GLI2: variants seen among roughly 807,000 people sequenced by gnomAD.
The protein encoded by GLI2 is transcription activator GLI2.
A neutral mutation model predicts 78.9 loss-of-function variants in GLI2; 22 were observed. The ratio of observed to expected loss-of-function variants is 0.28; its 90% CI spans 0.20 to 0.40. The LOEUF (loss-of-function observed/expected upper bound fraction) is 0.40, where lower values mean the gene tolerates loss of function less well. Among genes scored for constraint, GLI2 ranks in the 10% least tolerant of loss-of-function variants. The pLI, the probability that GLI2 is intolerant of heterozygous loss-of-function variation, is 1.00. For synonymous variants in GLI2, 974 were observed against 963.7 expected, an observed-to-expected ratio of 1.01 and a Z score of -0.20; for missense variants, 2,097 against 2,213.2, an observed-to-expected ratio of 0.95 and a Z score of 1.05.
At chr2:120,890,837 G>A (rs753898912) in intron 2 of GLI2, among the ~76,000 whole-genome samples, 1 of 152,170 alleles carries the variant, frequency 6.6e-6, no homozygotes, top group Non-Finnish European at 1.5e-5. Context: ...ATAGCGAGGT[G>A]GGGGCACGGG....
chr2:120,991,142 TG>T lies in GLI2; in HGVS notation c.*469del, dbSNP rs1683281418. 6.1e-6 allele frequency: 1 copy of T among 162,614 alleles called. No individual in the cohort carries two copies. The highest frequency in any genetic ancestry group is 1.4e-5 in the Non-Finnish European group (1 of 73,634). The allele number at this position is 162,614 out of a possible 1,614,324, so 10.1% of individuals were successfully genotyped here. Reference sequence around the variant, plus strand: ...ACTACTTGGAAGGAAAAGGAATTCCTGGTCCACCTGAATTCCTCTATGAAGC... The same window carrying T: ...ACTACTTGGAAGGAAAAGGAATTCCTGTCCACCTGAATTCCTCTATGAAGC... On this transcript the variant is annotated 3_prime_UTR_variant, in exon 14 of 14. Coordinates refer to ENST00000361492, the MANE Select transcript of GLI2 (RefSeq NM_001374353.1).
chr2:120,852,482 C>T lies in GLI2; in HGVS notation c.148+55014C>T, dbSNP rs184892336. On this transcript the variant is annotated intron_variant, in intron 2 of 13. Transcript: ENST00000361492. ...GGACCCCCAGATGATATGTCGTGTC[C>T]GTGCCAATGAAGTCGAGGCAGGACT... 7.7e-4 allele frequency among the ~76,000 whole-genome samples: 118 copies of T among 152,272 alleles called. 1 individual carries two copies. Among genetic ancestry groups the T allele is most frequent in the African/African-American group, 2.6e-3 (107 of 41,550 alleles).
chr2:120,902,242 CAT>C (rs1161260503), intron 2 of GLI2, among the ~76,000 whole-genome samples: 1 of 115,666 alleles, frequency 8.6e-6, no homozygotes, highest in Non-Finnish European at 1.6e-5. Flanking sequence ...TGGTTGTTAA[CAT>C]GTGTCAGCAT....
rs1459906631 is a variant in GLI2 at position 120,992,389 on chromosome 2, A to G, written c.*1714A>G. On this transcript the variant is annotated 3_prime_UTR_variant, in exon 14 of 14. Coordinates refer to ENST00000361492, the MANE Select transcript of GLI2 (RefSeq NM_001374353.1). ...ATACTGTAGGTGAGTCGTCCAGCCAAATTTATATCTCCAAAACATTTTTAG... is the reference window on the plus strand; with the variant it reads ...ATACTGTAGGTGAGTCGTCCAGCCAGATTTATATCTCCAAAACATTTTTAG... 2.0e-5 allele frequency: 3 copies of G among 152,164 alleles called. No homozygotes were observed. 9.4% of individuals were successfully genotyped at this position (152,164 alleles called of 1,614,324 possible).
At position 120,816,537 on chromosome 2, in the gene GLI2, C is replaced by A. The variant is rs192617461; in HGVS notation, c.148+19069C>A. 1.4e-3 allele frequency among the ~76,000 whole-genome samples: 217 copies of A among 151,974 alleles called. 1 individual carries two copies. Among genetic ancestry groups the A allele is most frequent in the Admixed American group, 2.9e-3 (45 of 15,272 alleles). On this transcript the variant is annotated intron_variant, in intron 2 of 13. Coordinates refer to ENST00000361492, the MANE Select transcript of GLI2 (RefSeq NM_001374353.1). ...TGTGGGTTATATCTATTGATATTTACCTTGTTTGAAACTTAAAAAAATGAG... is the reference window on the plus strand; with the variant it reads ...TGTGGGTTATATCTATTGATATTTAACTTGTTTGAAACTTAAAAAAATGAG...
intron 2 of GLI2, among the ~76,000 whole-genome samples, chr2:120,857,029 A>T (rs1325767969): frequency 6.6e-6 from 1 of 151,844 alleles, no homozygotes; most frequent in Non-Finnish European, 1.5e-5. Flanking sequence ...CTGGGCAGAA[A>T]AGCTCATCCT....
chr2:120,989,738 C>G lies in GLI2; in HGVS notation c.3773C>G (p.Ala1258Gly), dbSNP rs776530841. Residue 1258 changes from alanine to glycine, a missense_variant, in exon 14 of 14, where the codon GCC (alanine) becomes GGC (glycine). Coordinates refer to ENST00000361492, the MANE Select transcript of GLI2 (RefSeq NM_001374353.1). ...CCCCAATCCTGCAGCAACATGCCAG[C>G]CAAGCCAGGGCATCTGGGGCACCCT... ...QFPQSCSNMP[A>G]KPGHLGHPQQ... The G allele has an allele frequency of 6.2e-7, 1 of 1,612,964 alleles. No individual in the cohort carries two copies.
At chr2:120,766,579 C>T (rs1170829768) in intron 1 of GLI2, among the ~76,000 whole-genome samples, 1 of 152,200 alleles carries the variant, frequency 6.6e-6, no homozygotes, top group Non-Finnish European at 1.5e-5. Context: ...TCACCAGAAG[C>T]AGGAGGAAGC....
intron 1 of GLI2, among the ~76,000 whole-genome samples, chr2:120,789,151 C>A (rs1684080132): frequency 1.3e-5 from 2 of 151,512 alleles, no homozygotes; most frequent in Admixed American, 1.3e-4. Context: ...CCTGCCTCAG[C>A]CTCCTCAGTA....
chr2:120,945,184 G>A (rs548960484), intron 3 of GLI2, among the ~76,000 whole-genome samples: 4 of 152,314 alleles, frequency 2.6e-5, no homozygotes, highest in African/African-American at 4.8e-5. Context: ...AACCAACATC[G>A]GGAAGAAGCA....
intron 1 of GLI2, among the ~76,000 whole-genome samples, chr2:120,741,624 C>T (rs1168413305): frequency 2.6e-5 from 4 of 152,112 alleles, no homozygotes; most frequent in Non-Finnish European, 5.9e-5. Flanking sequence ...CTCCTCCCCG[C>T]CCCCGCCGTC....
At chr2:120,825,506 T>C (rs773874921) in intron 2 of GLI2, among the ~76,000 whole-genome samples, 23 of 149,560 alleles carry the variant, frequency 1.5e-4, no homozygotes, top group Non-Finnish European at 2.2e-4. Context: ...TGGCTGTGGG[T>C]GTGCACCTGA....
chr2:120,830,003 T>G (rs1486111564), intron 2 of GLI2, among the ~76,000 whole-genome samples: 1 of 152,128 alleles, frequency 6.6e-6, no homozygotes, highest in Non-Finnish European at 1.5e-5. Flanking sequence ...GTGTGTAAAG[T>G]TTCCTTAGAA....
At chr2:120,764,827 T>G (rs1220631993) in intron 1 of GLI2, among the ~76,000 whole-genome samples, 1 of 152,232 alleles carries the variant, frequency 6.6e-6, no homozygotes, top group African/African-American at 2.4e-5. Flanking sequence ...AACATCTGAC[T>G]GGGAACAGGA....
At position 120,988,241 on chromosome 2, in the gene GLI2, G is replaced by C. The variant is rs762017804; in HGVS notation, c.2276G>C (p.Gly759Ala). The change falls in exon 14 of 14, where the codon GGC becomes GCC. Residue 759 changes from glycine (G) to alanine (A), a missense_variant. Gly to Ala is a moderately conservative substitution (Grantham distance 60, BLOSUM62 0). This residue lies in a region of GLI2 where 1,290 missense variants were observed against 1,261.7 expected (regional missense o/e 1.02). Transcript: ENST00000361492. The stretch of plus-strand genomic sequence containing the variant: ...CTGGAAAACTTCAGTGGCAGTGGGG[G>C]CGGCGGGCCCGCGGGGCTGCTGCCG... ...SILENFSGSG[G>A]GGPAGLLPNP... 10 of 1,584,686 alleles carry C rather than the reference G, an allele frequency of 6.3e-6. No homozygotes were observed. The highest frequency in any genetic ancestry group is 7.7e-6 in the Non-Finnish European group (9 of 1,169,106).
At chr2:120,772,277 G>A (rs887111949) in intron 1 of GLI2, among the ~76,000 whole-genome samples, 1 of 152,122 alleles carries the variant, frequency 6.6e-6, no homozygotes, top group African/African-American at 2.4e-5. Context: ...TGGGTAACCC[G>A]CAAGGTCTCC....
intron 2 of GLI2, among the ~76,000 whole-genome samples, chr2:120,905,867 G>GC (rs149778827): frequency 0.057 from 8,299 of 145,594 alleles, 260 homozygotes; most frequent in African/African-American, 0.12. Flanking sequence ...GGGCTACACT[G>GC]CCCCCCCCCC....
intron 2 of GLI2, among the ~76,000 whole-genome samples, chr2:120,828,857 A>G: frequency 1.3e-5 from 1 of 79,672 alleles, no homozygotes; most frequent in Middle Eastern, 5.9e-3. Flanking sequence ...GTGACTTCCA[A>G]CTCCAAAAAA....
chr2:120,846,740 A>T (rs774621821), intron 2 of GLI2, among the ~76,000 whole-genome samples: 16 of 152,126 alleles, frequency 1.1e-4, no homozygotes, highest in Non-Finnish European at 1.9e-4. Context: ...TTTCCCTTCA[A>T]AGCCAGTTGG....
Sources: gnomAD v4.1 joint callset for allele counts (sites outside exome capture counted in the v4.1 genomes callset) on GRCh38, gnomAD v4.1.1 for gene constraint, gnomAD v4.1.1 regional missense constraint, MANE v1.5 for transcripts, NCBI Gene and HGNC (gene_info 2026-07-23, HGNC 2026-07-21) for gene names.